The following GPC6 variants were observed in gnomAD, a reference collection of about 807,000 sequenced individuals.
GPC6 encodes glypican 6.
A neutral mutation model predicts 55.2 loss-of-function variants in GPC6; 14 were observed. That is an observed-to-expected ratio of 0.25 (90% CI 0.17 to 0.40). The LOEUF is 0.40. GPC6 is among the 10% of genes least tolerant of loss of function. The pLI, the probability that GPC6 is intolerant of heterozygous loss-of-function variation, is 1.00. For missense variants in GPC6, 641 were observed against 708.5 expected (o/e 0.90, Z 1.08); for synonymous variants, 278 against 259.6 (o/e 1.07, Z -0.68).
chr13:94,302,786 C>G (rs1452294039), intron 5 of GPC6, among the ~76,000 whole-genome samples: 1 of 152,212 alleles, frequency 6.6e-6, no homozygotes, highest in Non-Finnish European at 1.5e-5. Flanking sequence ...CGACAAGCCT[C>G]TTGATCTCTG....
At chr13:94,294,665 A>T (rs943953836) in intron 5 of GPC6, among the ~76,000 whole-genome samples, 15 of 152,076 alleles carry the variant, frequency 9.9e-5, no homozygotes, top group African/African-American at 3.6e-4. Context: ...TTTCCTTTCA[A>T]AATGTTCGGG....
chr13:93,992,965 A>G (rs1881377089), intron 3 of GPC6, among the ~76,000 whole-genome samples: 1 of 152,088 alleles, frequency 6.6e-6, no homozygotes, highest in Non-Finnish European at 1.5e-5. Context: ...TGAGAATTCT[A>G]TAAAATTATC....
chr13:94,179,442 G>A (rs528833132), intron 4 of GPC6, among the ~76,000 whole-genome samples: 1 of 152,262 alleles, frequency 6.6e-6, no homozygotes, highest in East Asian at 1.9e-4. Flanking sequence ...TGACTCAGGG[G>A]TTCCTGATTG....
Position 93,567,804 on chromosome 13 carries a change from T to G in GPC6, c.319+22383T>G, listed in dbSNP as rs1876208847. Among the ~76,000 whole-genome samples, 5 of 152,214 alleles carry G rather than the reference T, an allele frequency of 3.3e-5. No homozygotes were observed. The South Asian group carries it at 1.0e-3, about 31-fold the overall frequency. The stretch of plus-strand genomic sequence containing the variant: ...CATCTTAGATTGGTCAACAGATATT[T>G]GCTTTATAAGCACAGAAATTAGGCT... On this transcript the variant is annotated intron_variant, in intron 2 of 8. Transcript: ENST00000377047.
intron 4 of GPC6, among the ~76,000 whole-genome samples, chr13:94,228,797 T>TAA (rs34427487): frequency 0.28 from 40,770 of 145,304 alleles, 6,520 homozygotes; most frequent in Non-Finnish European, 0.37. Context: ...CTCTTTGGTT[T>TAA]AAAAAAAAAA....
intron 1 of GPC6, among the ~76,000 whole-genome samples, chr13:93,330,511 G>A (rs1051452886): frequency 1.6e-4 from 24 of 147,284 alleles, no homozygotes; most frequent in African/African-American, 6.1e-4. Flanking sequence ...TGGGTGCAGA[G>A]TGAGACTCTG....
intron 2 of GPC6, among the ~76,000 whole-genome samples, chr13:93,733,629 G>A (rs1266147925): frequency 4.6e-5 from 7 of 151,774 alleles, no homozygotes; most frequent in Non-Finnish European, 8.8e-5. Context: ...TGAAGAGTTG[G>A]CATGAAATGA....
intron 4 of GPC6, among the ~76,000 whole-genome samples, chr13:94,070,857 T>C (rs1215390700): frequency 6.6e-6 from 1 of 152,188 alleles, no homozygotes; most frequent in Non-Finnish European, 1.5e-5. Flanking sequence ...GTCTCAACAA[T>C]GAGTCTATAA....
At chr13:93,961,244 C>G (rs576149165) in intron 3 of GPC6, among the ~76,000 whole-genome samples, 4 of 152,188 alleles carry the variant, frequency 2.6e-5, no homozygotes, top group African/African-American at 9.6e-5. Flanking sequence ...GAAATGAGAA[C>G]CTATAAATAA....
At chr13:93,543,786 G>T (rs766806175) in intron 1 of GPC6, among the ~76,000 whole-genome samples, 28 of 152,134 alleles carry the variant, frequency 1.8e-4, no homozygotes, top group Non-Finnish European at 3.8e-4. Context: ...GTAAACATGG[G>T]ATGCAAACGT....
In GPC6 at chr13:93,545,288, G is replaced by A; in HGVS notation, c.186G>A (p.Gln62=). The part of the protein sequence containing the change: ...IAGEHLRICP[Q]EYTCCTTEME... ...GGGAACACTTAAGAATCTGTCCTCA[G>A]GAATATACATGCTGCACCACAGAAA... is the stretch of plus-strand genomic sequence containing the variant. Residue 62 remains glutamine, a synonymous_variant, in exon 2 of 9, where the codon CAG becomes CAA. Coordinates refer to ENST00000377047, the MANE Select transcript of GPC6 (RefSeq NM_005708.5). The A allele has an allele frequency of 6.2e-7, 1 of 1,613,626 alleles. No homozygotes were observed.
intron 1 of GPC6, among the ~76,000 whole-genome samples, chr13:93,337,135 CTG>C (rs1232483073): frequency 6.6e-6 from 1 of 152,132 alleles, no homozygotes; most frequent in Non-Finnish European, 1.5e-5. Context: ...CAATTAAAAA[CTG>C]TGGAGTTATG....
At chr13:94,230,725 G>T (rs1194267581) in intron 4 of GPC6, among the ~76,000 whole-genome samples, 2 of 152,126 alleles carry the variant, frequency 1.3e-5, no homozygotes, top group African/African-American at 2.4e-5. Flanking sequence ...GTACCTAAAA[G>T]TGTTCAGCAT....
intron 1 of GPC6, among the ~76,000 whole-genome samples, chr13:93,228,112 CCT>C (rs890094771): frequency 1.3e-5 from 2 of 152,120 alleles, no homozygotes; most frequent in Non-Finnish European, 2.9e-5. Flanking sequence ...TCCCCCAGCC[CCT>C]CTCTCCCCTA....
At chr13:93,457,983 C>A (rs1878530495) in intron 1 of GPC6, among the ~76,000 whole-genome samples, 1 of 152,080 alleles carries the variant, frequency 6.6e-6, no homozygotes, top group Non-Finnish European at 1.5e-5. Flanking sequence ...AGGATTCATT[C>A]CTGAAATGAA....
At chr13:93,759,987 C>G (rs973206704) in intron 2 of GPC6, among the ~76,000 whole-genome samples, 7 of 142,866 alleles carry the variant, frequency 4.9e-5, no homozygotes, top group Non-Finnish European at 9.0e-5. Context: ...CCCCCTTCAG[C>G]TTGACAGAAA....
chr13:94,256,808 C>G (rs940570036), intron 4 of GPC6, among the ~76,000 whole-genome samples: 1 of 152,178 alleles, frequency 6.6e-6, no homozygotes, highest in African/African-American at 2.4e-5. Context: ...ACTCACCAAG[C>G]AACCCATTAT....
At chr13:93,732,484 A>T (rs1441842507) in intron 2 of GPC6, among the ~76,000 whole-genome samples, 6 of 152,192 alleles carry the variant, frequency 3.9e-5, no homozygotes, top group Non-Finnish European at 8.8e-5. Context: ...GATTAAAAAG[A>T]TTGCTGTGTG....
intron 2 of GPC6, among the ~76,000 whole-genome samples, chr13:93,721,589 A>G (rs1198346392): frequency 6.6e-6 from 1 of 151,818 alleles, no homozygotes; most frequent in Non-Finnish European, 1.5e-5. Flanking sequence ...TGGAAGTATT[A>G]GGATGAAATT....
Sources: gnomAD v4.1 joint callset for allele counts (sites outside exome capture counted in the v4.1 genomes callset) on GRCh38, gnomAD v4.1.1 for gene constraint, MANE v1.5 for transcripts, NCBI Gene and HGNC (gene_info 2026-07-23, HGNC 2026-07-21) for gene names.